The following GAN variants were observed in gnomAD, a reference collection of about 807,000 sequenced individuals.
GAN encodes the protein gigaxonin, also known as epididymis secretory sperm binding protein.
Under a neutral mutation model 71.3 loss-of-function variants are expected in GAN, and 48 were observed. The observed-to-expected ratio is 0.67, with a 90% CI of 0.53 to 0.86. The LOEUF (loss-of-function observed/expected upper bound fraction) is 0.86, where lower values mean the gene tolerates loss of function less well. GAN is among the 40% of genes least tolerant of loss of function. GAN has a pLI of 0.00. For synonymous variants in GAN, 386 were observed against 276.8 expected, an observed-to-expected ratio of 1.39 and a Z score of -3.92; for missense variants, 928 against 770.1, an observed-to-expected ratio of 1.21 and a Z score of -2.43.
chr16:81,372,171 A>T (rs1434305487), intron 9 of GAN: 1 of 152,208 alleles, frequency 6.6e-6, no homozygotes, highest in Admixed American at 6.5e-5. Flanking sequence ...GGGCAGTCTT[A>T]ATTCTGAGTT....
chr16:81,328,028 A>C (rs1301707985), intron 1 of GAN, among the ~76,000 whole-genome samples: 1 of 152,248 alleles, frequency 6.6e-6, no homozygotes, highest in African/African-American at 2.4e-5. Context: ...TGGCTTCACC[A>C]GTTGCTGCGT....
intron 1 of GAN, among the ~76,000 whole-genome samples, chr16:81,335,763 A>T (rs1909738542): frequency 1.3e-5 from 2 of 151,924 alleles, no homozygotes; most frequent in African/African-American, 4.8e-5. Context: ...AAAAAAAAAA[A>T]AAATCCATTC....
intron 1 of GAN, among the ~76,000 whole-genome samples, chr16:81,323,673 G>A (rs764780683): frequency 6.6e-5 from 10 of 152,156 alleles, no homozygotes; most frequent in Non-Finnish European, 1.3e-4. Context: ...AGGTTTAGTC[G>A]TTTAATACAT....
At position 81,363,924 on chromosome 16, in the gene GAN, A is replaced by G. The variant is rs769005379; in HGVS notation, c.1217A>G (p.Asp406Gly). The change falls in exon 7 of 11, where the codon GAT (aspartate) becomes GGT (glycine). Residue 406 changes from aspartate (D) to glycine (G), a missense_variant. Transcript: ENST00000648994. ...IYSKTWTKQP[D>G]LTMVRKIGCY... ...TCTAAAACCTGGACAAAGCAACCTG[A>G]TTTGACCATGGTCAGAAAGGTGAGG... 6.8e-6 allele frequency: 11 copies of G among 1,613,244 alleles called. No homozygotes were observed. In the South Asian group the frequency reaches 8.8e-5, roughly 13 times the overall value.
At chr16:81,357,971 A>T (rs767534903) in intron 5 of GAN, 40 bp downstream of exon 5, 1 of 1,550,352 alleles carries the variant, frequency 6.5e-7, no homozygotes. Flanking sequence ...CAGCAGATCA[A>T]GTAATGTGTA....
intron 1 of GAN, among the ~76,000 whole-genome samples, chr16:81,339,980 T>A (rs1169151921): frequency 6.6e-6 from 1 of 152,218 alleles, no homozygotes; most frequent in African/African-American, 2.4e-5. Flanking sequence ...TTGGAAAGGA[T>A]CACATTTTAT....
chr16:81,315,791 C>T (rs1030885062), intron 1 of GAN, among the ~76,000 whole-genome samples: 2 of 152,270 alleles, frequency 1.3e-5, no homozygotes, highest in African/African-American at 4.8e-5. Flanking sequence ...GCGGGGAGCG[C>T]CCTGCCCGCT....
chr16:81,336,001 G>A (rs562209130), intron 1 of GAN, among the ~76,000 whole-genome samples: 29 of 152,228 alleles, frequency 1.9e-4, no homozygotes, highest in Non-Finnish European at 3.7e-4. Flanking sequence ...CCAGTGTGAG[G>A]CTGATGGTGG....
chr16:81,317,731 A>G (rs1909091969), intron 1 of GAN, among the ~76,000 whole-genome samples: 1 of 152,184 alleles, frequency 6.6e-6, no homozygotes, highest in African/African-American at 2.4e-5. Flanking sequence ...CATTACTTGT[A>G]TTTCACCGTT....
intron 9 of GAN, among the ~76,000 whole-genome samples, chr16:81,366,103 T>C (rs1251768942): frequency 6.6e-6 from 1 of 152,216 alleles, no homozygotes; most frequent in African/African-American, 2.4e-5. Flanking sequence ...TGCTTAGTTA[T>C]CAAAACCTAG....
chr16:81,377,580 G>A lies in GAN; in HGVS notation c.1778G>A (p.Arg593His), dbSNP rs751430474. 1.4e-5 allele frequency: 22 copies of A among 1,613,994 alleles called. No individual in the cohort carries two copies. Among genetic ancestry groups the A allele is most frequent in the African/African-American group, 2.7e-5 (2 of 74,918 alleles). ...CTTCAGCAAGGCTTATTCCGTATTC[G>A]TGTTCATTCCCCTTGAGGAGGAAGC... The part of the protein sequence containing the change: ...LQLQQGLFRI[R>H]VHSP The change falls in exon 11 of 11, where the codon CGT becomes CAT. Residue 593 changes from arginine (R) to histidine (H), a missense_variant. Physicochemically the swap from Arg to His is conservative, Grantham distance 29. Coordinates refer to ENST00000648994, the MANE Select transcript of GAN (RefSeq NM_022041.4).
chr16:81,361,482 T>C (rs1910670489), intron 5 of GAN, among the ~76,000 whole-genome samples: 1 of 152,120 alleles, frequency 6.6e-6, no homozygotes, highest in Admixed American at 6.6e-5. Context: ...TGTAGAACTT[T>C]GGAGAGGATC....
At chr16:81,325,640 A>C (rs1382175641) in intron 1 of GAN, among the ~76,000 whole-genome samples, 1 of 152,212 alleles carries the variant, frequency 6.6e-6, no homozygotes, top group African/African-American at 2.4e-5. Context: ...AGAGCAGCGC[A>C]CTGGGACAGT....
chr16:81,340,810 T>G (rs987622584), intron 1 of GAN, among the ~76,000 whole-genome samples: 5 of 151,956 alleles, frequency 3.3e-5, no homozygotes, highest in Non-Finnish European at 7.4e-5. Context: ...TTGATAGAAG[T>G]AGGCTTCAGA....
At chr16:81,328,266 A>T (rs1909453637) in intron 1 of GAN, among the ~76,000 whole-genome samples, 2 of 152,220 alleles carry the variant, frequency 1.3e-5, no homozygotes, top group Admixed American at 1.3e-4. Flanking sequence ...TTACAGTTGA[A>T]GTAGTTGAAA....
At chr16:81,365,955 T>C (rs1360459797) in intron 9 of GAN, among the ~76,000 whole-genome samples, 3 of 152,162 alleles carry the variant, frequency 2.0e-5, no homozygotes, top group Non-Finnish European at 1.5e-5. Flanking sequence ...CTTTTTCTGC[T>C]ACTGACCCAG....
chr16:81,368,220 C>A (rs547407373), intron 9 of GAN, among the ~76,000 whole-genome samples: 2 of 152,156 alleles, frequency 1.3e-5, no homozygotes, highest in South Asian at 4.2e-4. Context: ...CTTCATATAC[C>A]CAGAATGACG....
rs373529350 is a variant in GAN, at chr16:81,321,205, C to G, written c.167+5925C>G. Among the ~76,000 whole-genome samples the G allele has an allele frequency of 3.3e-5, 5 of 152,126 alleles. No individual in the cohort carries two copies. The South Asian group carries it at 6.2e-4, about 19-fold the overall frequency. ...GAAGGTTTCAAATGATGAAACAAAT[C>G]AACAAAATTCTTGTTAGACTAGTGT... On this transcript the variant is annotated intron_variant, in intron 1 of 10. Transcript: ENST00000648994.
rs966887200 is a variant in GAN at position 81,315,613 on chromosome 16, C to T, written c.167+333C>T. On this transcript the variant is annotated intron_variant, in intron 1 of 10. Transcript: ENST00000648994. ...GCCCGACCTCGGAGACCCTGAGGCC[C>T]CCAGACGCCGTCCTGGGCCGGCCGG... is the stretch of plus-strand genomic sequence containing the variant. Among the ~76,000 whole-genome samples, 5 of 152,222 alleles carry T rather than the reference C, an allele frequency of 3.3e-5. No homozygotes were observed. In the East Asian group the frequency reaches 7.7e-4, roughly 24 times the overall value.
Sources: allele counts gnomAD v4.1 joint callset (sites outside exome capture counted in the v4.1 genomes callset), GRCh38; gene constraint gnomAD v4.1.1; transcripts MANE v1.5; gene names NCBI Gene and HGNC (gene_info 2026-07-23, HGNC 2026-07-21).